The following WDR17 variants were observed in gnomAD, a reference collection of about 807,000 sequenced individuals.
WDR17 encodes WD repeat domain 17, also known as WD repeat-containing protein 17.
In WDR17, 143 loss-of-function variants were observed where a neutral mutation model predicts 161.7. That is an observed-to-expected ratio of 0.88 (90% CI 0.77 to 1.02). The LOEUF (loss-of-function observed/expected upper bound fraction) is 1.02. Among genes scored for constraint, WDR17 ranks in the 50% least tolerant of loss-of-function variants. The probability of loss-of-function intolerance (pLI) is 0.00; values close to 1 mark genes in which losing one functional copy is unlikely to be tolerated. For synonymous variants in WDR17, 517 were observed against 515.6 expected (o/e 1.00, Z -0.04); for missense variants, 1,469 against 1,520.9 (o/e 0.97, Z 0.57).
In WDR17 at chr4:176,106,873, C is replaced by G. The variant is rs528091237; in HGVS notation, c.-6-4702C>G. On this transcript the variant is annotated intron_variant, in intron 1 of 28. Coordinates refer to ENST00000508596, the MANE Select transcript of WDR17 (RefSeq NM_181265.4). ...GTCTGAGGCAGCAGGATCACGTGAG[C>G]CTAGGAGTTTGAGGTTGCAGTGAAC... 8.7e-4 allele frequency among the ~76,000 whole-genome samples: 133 copies of G among 152,136 alleles called. 1 individual carries two copies. Among genetic ancestry groups the G allele is most frequent in the Admixed American group, 1.3e-3 (20 of 15,268 alleles).
At chr4:176,153,793 A>AAG (rs1478478932) in intron 17 of WDR17, among the ~76,000 whole-genome samples, 1 of 152,228 alleles carries the variant, frequency 6.6e-6, no homozygotes, top group African/African-American at 2.4e-5. Flanking sequence ...TTCAAGAAAA[A>AAG]CAATGAATTA....
chr4:176,132,942 T>G (rs1053785078), intron 7 of WDR17, among the ~76,000 whole-genome samples: 10 of 151,646 alleles, frequency 6.6e-5, no homozygotes, highest in African/African-American at 2.4e-4. Flanking sequence ...TGCTGATATG[T>G]CCTGAGTTGC....
intron 17 of WDR17, among the ~76,000 whole-genome samples, chr4:176,155,558 T>TTG (rs1206868423): frequency 6.9e-6 from 1 of 144,988 alleles, no homozygotes; most frequent in African/African-American, 2.5e-5. Context: ...TTTTTTTTTT[T>TTG]TTTGGAGACG....
At chr4:176,142,466 C>G (rs943703449) in intron 11 of WDR17, among the ~76,000 whole-genome samples, 6 of 152,180 alleles carry the variant, frequency 3.9e-5, no homozygotes. Flanking sequence ...CCACCCGATG[C>G]TAATGCCTCT....
At chr4:176,080,516 A>G in intron 1 of WDR17, among the ~76,000 whole-genome samples, 1 of 152,126 alleles carries the variant, frequency 6.6e-6, no homozygotes, top group Admixed American at 6.6e-5. Flanking sequence ...TCTAAAAGGT[A>G]AGTGAAAGAG....
At chr4:176,088,529 A>G (rs1038339350) in intron 1 of WDR17, among the ~76,000 whole-genome samples, 7 of 152,210 alleles carry the variant, frequency 4.6e-5, no homozygotes, top group Admixed American at 3.9e-4. Flanking sequence ...CAAAGTATGA[A>G]ATACTGAATC....
At chr4:176,157,191 T>C (rs1373410812) in intron 18 of WDR17, among the ~76,000 whole-genome samples, 1 of 152,180 alleles carries the variant, frequency 6.6e-6, no homozygotes. Context: ...TTAACAAATA[T>C]TTATTAATGC....
intron 18 of WDR17, among the ~76,000 whole-genome samples, chr4:176,159,310 G>C (rs529685753): frequency 7.5e-6 from 1 of 134,146 alleles, no homozygotes; most frequent in East Asian, 2.2e-4. Flanking sequence ...CACACACACA[G>C]ATGGAGAGAG....
rs1368142213 is a variant in WDR17, at chr4:176,135,249, G to A, written c.1240G>A (p.Val414Ile). 2 of 1,611,978 alleles carry A rather than the reference G, an allele frequency of 1.2e-6. No homozygotes were observed. The highest frequency in any genetic ancestry group is 3.3e-5 in the Admixed American group (2 of 59,932). The change falls in exon 8 of 29, where the codon GTT becomes ATT. Residue 414 changes from valine (V) to isoleucine (I), a missense_variant. Coordinates refer to ENST00000508596, the MANE Select transcript of WDR17 (RefSeq NM_181265.4). The stretch of plus-strand genomic sequence containing the variant: ...GTACACATCCCCGGGTAATGAAGGT[G>A]TTATTTATTCCCTTTCTTGGGCTCC... ...AVYTSPGNEG[V>I]IYSLSWAPGG...
intron 1 of WDR17, among the ~76,000 whole-genome samples, chr4:176,066,598 C>A (rs780803496): frequency 4.6e-5 from 7 of 152,078 alleles, no homozygotes; most frequent in Non-Finnish European, 1.0e-4. Flanking sequence ...TCTTTGCTGT[C>A]CTCCCCTCTC....
intron 20 of WDR17, among the ~76,000 whole-genome samples, chr4:176,161,559 G>T (rs1261697468): frequency 6.6e-6 from 1 of 151,896 alleles, no homozygotes; most frequent in Non-Finnish European, 1.5e-5. Context: ...CTATTATTAA[G>T]CTAGAAAATA....
chr4:176,086,278 T>C (rs369614930), intron 1 of WDR17, among the ~76,000 whole-genome samples: 2 of 151,986 alleles, frequency 1.3e-5, no homozygotes, highest in African/African-American at 4.8e-5. Flanking sequence ...CATTATTGGG[T>C]ACAGTATCAT....
At chr4:176,177,853 T>G (rs1287900860) in intron 28 of WDR17, among the ~76,000 whole-genome samples, 199 bp downstream of exon 28, 2 of 151,526 alleles carry the variant, frequency 1.3e-5, no homozygotes, top group Non-Finnish European at 2.9e-5. Context: ...ATACAAGCAT[T>G]GTACTGACTC....
chr4:176,161,796 C>G (rs1749070498), intron 20 of WDR17, among the ~76,000 whole-genome samples: 1 of 152,146 alleles, frequency 6.6e-6, no homozygotes, highest in African/African-American at 2.4e-5. Flanking sequence ...TTAACTTCCC[C>G]TGTGGCTGAA....
intron 1 of WDR17, among the ~76,000 whole-genome samples, chr4:176,102,327 G>A (rs1737952487): frequency 6.6e-6 from 1 of 152,158 alleles, no homozygotes; most frequent in Admixed American, 6.6e-5. Flanking sequence ...ACATCTATTA[G>A]AATGGCTAAT....
At chr4:176,142,871 A>C (rs377337348) in intron 11 of WDR17, among the ~76,000 whole-genome samples, 14 of 152,252 alleles carry the variant, frequency 9.2e-5, no homozygotes, top group African/African-American at 2.9e-4. Context: ...AATGTGTAAA[A>C]AACACTGTTT....
At chr4:176,118,561 A>C (rs1375534774) in intron 3 of WDR17, among the ~76,000 whole-genome samples, 2 of 152,150 alleles carry the variant, frequency 1.3e-5, no homozygotes, top group Non-Finnish European at 2.9e-5. Flanking sequence ...AACACAAACT[A>C]AACTTACTGT....
intron 1 of WDR17, among the ~76,000 whole-genome samples, chr4:176,110,362 G>A (rs951773636): frequency 3.3e-5 from 5 of 152,008 alleles, no homozygotes; most frequent in Admixed American, 6.6e-5. Flanking sequence ...TCCTGACGTC[G>A]TGATCCGCCC....
At chr4:176,111,421 C>A in intron 1 of WDR17, 154 bp from the exon 2 acceptor site, 1 of 672,976 alleles carries the variant, frequency 1.5e-6, no homozygotes, top group Non-Finnish European at 2.2e-6. Context: ...GGGAGTTCAA[C>A]TGCTGTTCTC....
Sources: gnomAD v4.1 joint callset for allele counts (sites outside exome capture counted in the v4.1 genomes callset) on GRCh38, gnomAD v4.1.1 for gene constraint, MANE v1.5 for transcripts, NCBI Gene and HGNC (gene_info 2026-07-23, HGNC 2026-07-21) for gene names.